Variants in RANGAP1 observed in about 807,000 individuals in gnomAD.
RANGAP1 encodes ran GTPase-activating protein 1.
Under a neutral mutation model 63.5 loss-of-function variants are expected in RANGAP1, and 38 were observed. The observed-to-expected ratio is 0.60, with a 90% confidence interval of 0.46 to 0.78. The LOEUF (loss-of-function observed/expected upper bound fraction) is 0.78. Among genes scored for constraint, RANGAP1 ranks in the 30% least tolerant of loss-of-function variants. The pLI, the probability that RANGAP1 is intolerant of heterozygous loss-of-function variation, is 0.00. For synonymous variants in RANGAP1, 329 were observed against 310.5 expected (o/e 1.06, Z -0.63); for missense variants, 630 against 740.3 (o/e 0.85, Z 1.73).
chr22:41,250,569 G>A (rs1305649059), intron 13 of RANGAP1, among the ~76,000 whole-genome samples: 1 of 152,152 alleles, frequency 6.6e-6, no homozygotes, highest in Non-Finnish European at 1.5e-5. Flanking sequence ...ATATGGGCTG[G>A]TGCTCCAAGG....
In RANGAP1 at chr22:41,249,823, G is replaced by A. The variant is rs200897372; in HGVS notation, c.1484-6C>T. ...AGCCTTCTGCATCAGGGCATCTGTA[G>A]GGCAGAAGCAGCAGGGGCAGGCTGC... On this transcript the variant is annotated splice_region_variant and splice_polypyrimidine_tract_variant and intron_variant, in intron 13 of 15. Transcript: ENST00000356244. The A allele has an allele frequency of 4.5e-5, 73 of 1,612,192 alleles. No homozygotes were observed. In the Admixed American group the frequency reaches 1.1e-3, roughly 24 times the overall value.
At chr22:41,281,729 G>T in intron 1 of RANGAP1, 1 of 767,988 alleles carries the variant, frequency 1.3e-6, no homozygotes, top group Non-Finnish European at 1.6e-6. Flanking sequence ...GGACAGGGCT[G>T]CTACCTATGA....
intron 4 of RANGAP1, among the ~76,000 whole-genome samples, chr22:41,265,191 T>C (rs977659137): frequency 7.9e-5 from 12 of 152,298 alleles, no homozygotes; most frequent in African/African-American, 2.9e-4. Context: ...GCTGTGAGCC[T>C]GGAGGAAAGC....
chr22:41,270,641 A>C lies in RANGAP1; in HGVS notation c.241-2485T>G, dbSNP rs118129028. On this transcript the variant is annotated intron_variant, in intron 3 of 15. Coordinates refer to ENST00000356244, the MANE Select transcript of RANGAP1 (RefSeq NM_002883.4). ...TTTTGTATCTTTTGTAGAGTTGGGA[A>C]TCTCCCTATGTTGTCCAGGCTTGTC... Among the ~76,000 whole-genome samples the C allele has an allele frequency of 9.8e-3, 1,494 of 152,282 alleles. 13 individuals are homozygous for C. Among genetic ancestry groups the C allele is most frequent in the Non-Finnish European group, 0.013 (864 of 68,016 alleles).
intron 2 of RANGAP1, among the ~76,000 whole-genome samples, chr22:41,278,275 G>T (rs1264400038): frequency 6.6e-6 from 1 of 152,092 alleles, no homozygotes; most frequent in Non-Finnish European, 1.5e-5. Flanking sequence ...CTGACCTCAG[G>T]TGATCTGCCC....
At chr22:41,249,309 G>C in intron 15 of RANGAP1, 21 bp downstream of exon 15, 4 of 1,572,978 alleles carry the variant, frequency 2.5e-6, no homozygotes, top group Non-Finnish European at 3.5e-6. Flanking sequence ...GGCACCGGCA[G>C]AAGGACAAGG....
In RANGAP1 at chr22:41,257,923, A is replaced by T; in HGVS notation, c.774+25T>A. On this transcript the variant is annotated intron_variant, in intron 7 of 15. Coordinates refer to ENST00000356244, the MANE Select transcript of RANGAP1 (RefSeq NM_002883.4). This position sits in a 1 kb window ranked among gnomAD's most constrained non-coding sequence, Gnocchi z 4.0. ...GCCAGCCTCTATCTGGCGGGGCCCA[A>T]CTGGCTCTGCCACACTCGCCTCACC... The T allele has an allele frequency of 6.3e-7, 1 of 1,577,718 alleles. No individual in the cohort carries two copies. The highest frequency in any genetic ancestry group is 8.6e-7 in the Non-Finnish European group (1 of 1,157,852).
intron 1 of RANGAP1, chr22:41,285,671 C>T: frequency 1.0e-6 from 1 of 985,422 alleles, no homozygotes; most frequent in Non-Finnish European, 1.2e-6. Flanking sequence ...GGAGCCCCAT[C>T]TGGAATCCCC....
the RANGAP1 span, among the ~76,000 whole-genome samples, chr22:41,295,141 G>A: frequency 6.0e-5 from 8 of 133,002 alleles, no homozygotes; most frequent in East Asian, 2.4e-3. Flanking sequence ...CTGCCCGGCC[G>A]CCCCTACTGG....
chr22:41,283,134 A>G (rs1244805572), intron 1 of RANGAP1, among the ~76,000 whole-genome samples: 2 of 151,292 alleles, frequency 1.3e-5, no homozygotes, highest in East Asian at 3.9e-4. Context: ...TCAGCAGTAT[A>G]GCAGTAAAGG....
At chr22:41,298,895 G>T in the RANGAP1 span, among the ~76,000 whole-genome samples, 12 of 152,198 alleles carry the variant, frequency 7.9e-5, no homozygotes, top group African/African-American at 2.9e-4. Context: ...ACTGATCTGG[G>T]GGCTGGAAGT....
chr22:41,296,824 G>A, the RANGAP1 span, among the ~76,000 whole-genome samples: 1 of 152,150 alleles, frequency 6.6e-6, no homozygotes, highest in East Asian at 1.9e-4. Context: ...GCTCATGTAA[G>A]TATGAAGACT....
At chr22:41,246,785 AAG>A in intron 15 of RANGAP1, 113 bp from the exon 16 acceptor site, 1 of 1,015,406 alleles carries the variant, frequency 9.8e-7, no homozygotes. Flanking sequence ...ACGACTCAGC[AAG>A]AGAGACATTA....
At chr22:41,246,947 G>A (rs1718990998) in intron 15 of RANGAP1, among the ~76,000 whole-genome samples, 4 of 152,250 alleles carry the variant, frequency 2.6e-5, no homozygotes, top group Admixed American at 2.6e-4. Context: ...ACATAGGCCA[G>A]GGAATCCTTA....
At chr22:41,247,576 TC>T (rs1311950947) in intron 15 of RANGAP1, among the ~76,000 whole-genome samples, 1 of 152,176 alleles carries the variant, frequency 6.6e-6, no homozygotes, top group East Asian at 1.9e-4. Context: ...GGCCTTGAAC[TC>T]CCGGGCTCAA....
Position 41,252,889 on chromosome 22 carries a change from C to T in RANGAP1, c.1363G>A (p.Val455Met), listed in dbSNP as rs778633851. 19 of 1,574,396 alleles carry T rather than the reference C, an allele frequency of 1.2e-5. No homozygotes were observed. The Admixed American group carries it at 1.3e-4, about 11-fold the overall frequency. ...KLLRLGPKSS[V>M]LIAQQTDTSD... ...GTTATTACCTGCTGGGCTATCAGCACGGAGCTCTTGGGCCCTAGGCGCAGC... is the reference window on the plus strand; with the variant it reads ...GTTATTACCTGCTGGGCTATCAGCATGGAGCTCTTGGGCCCTAGGCGCAGC... The change falls in exon 12 of 16, where the codon GTG (valine) becomes ATG (methionine). Residue 455 changes from valine to methionine, a missense_variant. Val to Met is a conservative substitution (Grantham distance 21, BLOSUM62 1). Coordinates refer to ENST00000356244, the MANE Select transcript of RANGAP1 (RefSeq NM_002883.4).
chr22:41,282,119 G>A lies in RANGAP1; in HGVS notation c.-38-1037C>T, dbSNP rs1601721618. 4 of 152,118 alleles carry A rather than the reference G, an allele frequency of 2.6e-5. 1 individual carries two copies. The allele number at this position is 152,118 out of a possible 1,614,324, so 9.4% of individuals were successfully genotyped here. A position where few individuals can be genotyped will look rare whatever the true frequency, so the allele number is the denominator to read the frequency against. On this transcript the variant is annotated intron_variant, in intron 1 of 15. Transcript: ENST00000356244. ...AGCCTGGGTGACAGAGTAAAACCCT[G>A]TCTCAAAAAAATAAAAATAAAAATA...
At chr22:41,260,177 C>G (rs904347823) in intron 6 of RANGAP1, among the ~76,000 whole-genome samples, 2 of 152,150 alleles carry the variant, frequency 1.3e-5, no homozygotes, top group Non-Finnish European at 2.9e-5. Context: ...TTTTCCTCAT[C>G]CATGTTCACA....
intron 2 of RANGAP1, among the ~76,000 whole-genome samples, chr22:41,278,688 T>C (rs912655477): frequency 3.3e-5 from 5 of 152,228 alleles, no homozygotes; most frequent in Admixed American, 6.5e-5. Context: ...TAAATTCCTT[T>C]TTCTCATTTA....
Sources: gnomAD v4.1 joint callset for allele counts (sites outside exome capture counted in the v4.1 genomes callset) on GRCh38, gnomAD v4.1.1 for gene constraint, Gnocchi (gnomAD v3.1) non-coding constraint, MANE v1.5 for transcripts, NCBI Gene and HGNC (gene_info 2026-07-23, HGNC 2026-07-21) for gene names.